Variants in DLGAP2 observed in about 807,000 individuals in gnomAD.
The protein encoded by DLGAP2 is disks large-associated protein 2.
DLGAP2 carries 26 observed loss-of-function variants against 100.3 expected under a neutral mutation model. That is an observed-to-expected ratio of 0.26 (90% CI 0.19 to 0.36). The LOEUF (loss-of-function observed/expected upper bound fraction) is 0.36, where lower values mean the gene tolerates loss of function less well. Among genes scored for constraint, DLGAP2 ranks in the 10% least tolerant of loss-of-function variants. The pLI, the probability that DLGAP2 is intolerant of heterozygous loss-of-function variation, is 1.00. For missense variants in DLGAP2, 1,858 were observed against 1,453.2 expected (o/e 1.28, Z -4.53); for synonymous variants, 886 against 630.1 (o/e 1.41, Z -6.08).
intron 2 of DLGAP2, among the ~76,000 whole-genome samples, chr8:1,167,988 G>A (rs1410558812): frequency 2.7e-5 from 4 of 150,840 alleles, no homozygotes; most frequent in Non-Finnish European, 5.9e-5. Flanking sequence ...CCATTAACTC[G>A]TCATCTAGCA....
intron 3 of DLGAP2, among the ~76,000 whole-genome samples, chr8:1,326,056 G>GA (rs1233237457): frequency 1.3e-5 from 2 of 152,170 alleles, no homozygotes; most frequent in Non-Finnish European, 2.9e-5. Flanking sequence ...CAATAAGCAG[G>GA]AAAAATGGCC....
intron 3 of DLGAP2, among the ~76,000 whole-genome samples, chr8:1,447,436 C>T (rs1253622468): frequency 6.6e-6 from 1 of 152,140 alleles, no homozygotes; most frequent in Non-Finnish European, 1.5e-5. Flanking sequence ...GGGATGAAGC[C>T]CACTTGATCA....
chr8:1,542,982 G>C (rs533662725), intron 4 of DLGAP2, among the ~76,000 whole-genome samples: 2 of 152,276 alleles, frequency 1.3e-5, no homozygotes, highest in East Asian at 3.9e-4. Context: ...ACGCCTTTCT[G>C]TGTGCTCTTT....
At chr8:1,038,169 A>G (rs1456125377) in intron 2 of DLGAP2, among the ~76,000 whole-genome samples, 2 of 152,224 alleles carry the variant, frequency 1.3e-5, no homozygotes, top group Non-Finnish European at 2.9e-5. Flanking sequence ...TCAGGAAGAC[A>G]AAGTGTCTTC....
chr8:766,348 C>T (rs951858479), intron 1 of DLGAP2, among the ~76,000 whole-genome samples: 5 of 152,220 alleles, frequency 3.3e-5, no homozygotes, highest in African/African-American at 1.2e-4. Context: ...CCTTGTTGGT[C>T]AACCCTCGTG....
intron 1 of DLGAP2, among the ~76,000 whole-genome samples, chr8:833,599 T>A (rs1796820116): frequency 6.6e-6 from 1 of 152,148 alleles, no homozygotes; most frequent in Non-Finnish European, 1.5e-5. Flanking sequence ...CCATGGCTAG[T>A]CCAGGATCAC....
At chr8:949,889 G>C (rs1799432284) in intron 2 of DLGAP2, among the ~76,000 whole-genome samples, 1 of 152,230 alleles carries the variant, frequency 6.6e-6, no homozygotes, top group Admixed American at 6.5e-5. Flanking sequence ...TGGCAGATGA[G>C]TAAAAATAGC....
intron 3 of DLGAP2, among the ~76,000 whole-genome samples, chr8:1,494,895 C>G (rs1052646171): frequency 6.6e-6 from 1 of 152,178 alleles, no homozygotes; most frequent in African/African-American, 2.4e-5. Context: ...TTAACTTCCC[C>G]AGGCGTCAAT....
chr8:820,143 G>T (rs1206472892), intron 1 of DLGAP2, among the ~76,000 whole-genome samples: 1 of 152,196 alleles, frequency 6.6e-6, no homozygotes, highest in Non-Finnish European at 1.5e-5. Flanking sequence ...CAGTAAATTT[G>T]TTGGGATAAC....
chr8:873,449 C>T (rs982352), intron 1 of DLGAP2, among the ~76,000 whole-genome samples: 99,864 of 151,966 alleles, frequency 0.66, 32,819 homozygotes, highest in Admixed American at 0.74. Context: ...CTAAGTATGA[C>T]GTTAGTTATG....
At chr8:1,189,257 C>G (rs551695399) in intron 2 of DLGAP2, among the ~76,000 whole-genome samples, 1 of 152,286 alleles carries the variant, frequency 6.6e-6, no homozygotes, top group African/African-American at 2.4e-5. Flanking sequence ...ACACAGGGTT[C>G]GGGCCCCAGC....
intron 3 of DLGAP2, among the ~76,000 whole-genome samples, chr8:1,298,584 C>T (rs191564576): frequency 5.3e-5 from 8 of 152,196 alleles, no homozygotes; most frequent in Middle Eastern, 3.4e-3. Flanking sequence ...GTAGGTACCT[C>T]GGCCACAGTC....
intron 2 of DLGAP2, among the ~76,000 whole-genome samples, chr8:1,100,848 T>A (rs961948890): frequency 6.6e-6 from 1 of 152,262 alleles, no homozygotes; most frequent in East Asian, 1.9e-4. Flanking sequence ...TTCATACAGA[T>A]GATAGCATTT....
At chr8:1,028,870 G>A (rs1351399728) in intron 2 of DLGAP2, among the ~76,000 whole-genome samples, 2 of 152,218 alleles carry the variant, frequency 1.3e-5, no homozygotes, top group Admixed American at 6.5e-5. Flanking sequence ...TCTGGAGGGA[G>A]GACAATGGCG....
At chr8:1,604,137 C>G (rs1322826973) in intron 6 of DLGAP2, among the ~76,000 whole-genome samples, 1 of 152,322 alleles carries the variant, frequency 6.6e-6, no homozygotes, top group South Asian at 2.1e-4. Context: ...ACACTGCAGA[C>G]ACTGTTCACA....
At chr8:755,325 C>T (rs1325547199) in intron 1 of DLGAP2, among the ~76,000 whole-genome samples, 2 of 151,974 alleles carry the variant, frequency 1.3e-5, no homozygotes, top group African/African-American at 2.4e-5. Flanking sequence ...AATACCTAGG[C>T]GTGGGGGCTC....
intron 3 of DLGAP2, among the ~76,000 whole-genome samples, chr8:1,331,785 T>TA (rs567720018): frequency 1.3e-5 from 2 of 152,320 alleles, no homozygotes; most frequent in African/African-American, 4.8e-5. Flanking sequence ...ATCTCTGAGA[T>TA]ACGTGTAAAT....
intron 3 of DLGAP2, among the ~76,000 whole-genome samples, chr8:1,450,589 A>G (rs897762853): frequency 1.4e-4 from 22 of 152,074 alleles, no homozygotes; most frequent in Non-Finnish European, 2.8e-4. Context: ...CCATGGCCCC[A>G]GGGCTACTTC....
intron 6 of DLGAP2, among the ~76,000 whole-genome samples, chr8:1,595,289 A>G (rs1796416705): frequency 6.6e-6 from 1 of 151,966 alleles, no homozygotes; most frequent in Non-Finnish European, 1.5e-5. Context: ...TAAACTTTTT[A>G]TTGACAAATA....
Sources: gnomAD v4.1 joint callset for allele counts (sites outside exome capture counted in the v4.1 genomes callset) on GRCh38, gnomAD v4.1.1 for gene constraint, MANE v1.5 for transcripts, NCBI Gene and HGNC (gene_info 2026-07-23, HGNC 2026-07-21) for gene names.